Variants in SBF2 observed in about 807,000 individuals in gnomAD.
The protein encoded by SBF2 is myotubularin-related protein 13.
In SBF2, 112 loss-of-function variants were observed where a neutral mutation model predicts 225.2. That is an observed-to-expected ratio of 0.50 (90% CI 0.43 to 0.58). SBF2 has a LOEUF of 0.58. Among genes scored for constraint, SBF2 ranks in the 20% least tolerant of loss-of-function variants. The pLI is 0.00. For missense variants in SBF2, 1,996 were observed against 2,206.2 expected (o/e 0.90, Z 1.91); for synonymous variants, 763 against 773.3 (o/e 0.99, Z 0.22).
chr11:10,067,281 C>A (rs1950661183), intron 2 of SBF2, among the ~76,000 whole-genome samples: 1 of 152,170 alleles, frequency 6.6e-6, no homozygotes, highest in African/African-American at 2.4e-5. Flanking sequence ...GATGTCAATT[C>A]TTCTACAAGT....
chr11:10,044,902 C>T (rs1425456123), intron 2 of SBF2, among the ~76,000 whole-genome samples: 1 of 152,130 alleles, frequency 6.6e-6, no homozygotes, highest in Non-Finnish European at 1.5e-5. Context: ...GCTGAGAACG[C>T]TTTTTGCCTG....
chr11:9,797,954 C>T (rs529220100), intron 32 of SBF2, among the ~76,000 whole-genome samples: 113 of 152,140 alleles, frequency 7.4e-4, no homozygotes, highest in African/African-American at 2.7e-3. Flanking sequence ...GCCTGGGTGA[C>T]AGAGTGAGAC....
chr11:10,300,834 G>A (rs990236599), intron 1 of SBF2, among the ~76,000 whole-genome samples: 3 of 143,030 alleles, frequency 2.1e-5, no homozygotes, highest in Non-Finnish European at 3.0e-5. Context: ...TTTCTTTGTA[G>A]GGATGGATTT....
chr11:9,921,424 G>A (rs1863624225), intron 16 of SBF2, among the ~76,000 whole-genome samples: 1 of 152,118 alleles, frequency 6.6e-6, no homozygotes. Flanking sequence ...TACTTAATCA[G>A]AAACTCTGGG....
chr11:10,219,461 C>T (rs1022808637), intron 1 of SBF2, among the ~76,000 whole-genome samples: 1 of 152,174 alleles, frequency 6.6e-6, no homozygotes, highest in Admixed American at 6.5e-5. Flanking sequence ...GGAGGGACTG[C>T]CTTAAAGGTC....
intron 2 of SBF2, among the ~76,000 whole-genome samples, chr11:10,183,035 T>C (rs1211831236): frequency 1.3e-5 from 2 of 152,164 alleles, no homozygotes; most frequent in African/African-American, 2.4e-5. Flanking sequence ...CCTCCCAAAG[T>C]GCTGGGATTA....
At chr11:10,266,326 T>C (rs1961985865) in intron 1 of SBF2, among the ~76,000 whole-genome samples, 1 of 152,064 alleles carries the variant, frequency 6.6e-6, no homozygotes, top group South Asian at 2.1e-4. Flanking sequence ...ATTTGTGCAA[T>C]TAAAGACCTC....
At chr11:9,824,846 G>A (rs770219612) in intron 28 of SBF2, among the ~76,000 whole-genome samples, 3 of 152,082 alleles carry the variant, frequency 2.0e-5, no homozygotes, top group Admixed American at 6.6e-5. Context: ...ACTTTCATAT[G>A]GTAAATAAAG....
In SBF2 at chr11:10,151,412, C is replaced by A. The variant is rs112257453; in HGVS notation, c.141+42490G>T. On this transcript the variant is annotated intron_variant, in intron 2 of 39. Coordinates refer to ENST00000256190, the MANE Select transcript of SBF2 (RefSeq NM_030962.4). The stretch of plus-strand genomic sequence containing the variant: ...CAAAGAAACAGCACACCCAAAATAT[C>A]TTTGAAAATGGTAAAAGTGGTATTC... Among the ~76,000 whole-genome samples the A allele has an allele frequency of 9.9e-3, 1,513 of 152,262 alleles. 10 individuals carry two copies. The highest frequency in any genetic ancestry group is 0.013 in the Non-Finnish European group (882 of 68,002).
At chr11:9,793,321 C>A (rs1159810251) in intron 33 of SBF2, among the ~76,000 whole-genome samples, 1 of 152,138 alleles carries the variant, frequency 6.6e-6, no homozygotes, top group Non-Finnish European at 1.5e-5. Flanking sequence ...TGATCTACGG[C>A]TCTACCCGTG....
chr11:10,029,642 G>A, intron 5 of SBF2, 123 bp downstream of exon 5: 1 of 779,114 alleles, frequency 1.3e-6, no homozygotes. Context: ...AACTAAAGTA[G>A]GATCTTCCTT....
At chr11:9,941,332 A>AT (rs1219277906) in intron 16 of SBF2, among the ~76,000 whole-genome samples, 3 of 148,374 alleles carry the variant, frequency 2.0e-5, no homozygotes, top group Non-Finnish European at 4.5e-5. Context: ...TTCAGTAAAA[A>AT]TAAAAAAAAA....
At chr11:10,033,663 A>AAC (rs66939707) in intron 3 of SBF2, among the ~76,000 whole-genome samples, 10,567 of 149,706 alleles carry the variant, frequency 0.071, 404 homozygotes, top group Middle Eastern at 0.16. Context: ...GCTGTGATTA[A>AAC]ACACACACAC....
chr11:9,941,183 C>T (rs1013954405), intron 16 of SBF2, among the ~76,000 whole-genome samples: 4 of 152,052 alleles, frequency 2.6e-5, no homozygotes, highest in South Asian at 2.1e-4. Context: ...TGCATGGTGG[C>T]GCATGCCTGT....
intron 16 of SBF2, among the ~76,000 whole-genome samples, chr11:9,896,313 A>G (rs1413616793): frequency 6.6e-6 from 1 of 152,192 alleles, no homozygotes; most frequent in Non-Finnish European, 1.5e-5. Context: ...TTCCTGCTCT[A>G]CAAAGATTGT....
At chr11:10,136,757 C>A (rs73412871) in intron 2 of SBF2, among the ~76,000 whole-genome samples, 2,258 of 152,320 alleles carry the variant, frequency 0.015, 44 homozygotes, top group African/African-American at 0.039. Context: ...AAGTGAAGAA[C>A]TGCTTGGTGT....
chr11:9,919,287 T>C (rs985024418), intron 16 of SBF2, among the ~76,000 whole-genome samples: 11 of 137,038 alleles, frequency 8.0e-5, no homozygotes, highest in Non-Finnish European at 1.5e-4. Context: ...TTTTTTGAGA[T>C]AGAGTTTTGC....
chr11:9,857,231 T>G (rs1857392358), intron 18 of SBF2, among the ~76,000 whole-genome samples: 1 of 152,132 alleles, frequency 6.6e-6, no homozygotes, highest in South Asian at 2.1e-4. Context: ...GTGACAAACC[T>G]CAGGAAGCAG....
chr11:10,161,513 A>C (rs1591098647), intron 2 of SBF2, among the ~76,000 whole-genome samples: 1 of 152,308 alleles, frequency 6.6e-6, no homozygotes, highest in Non-Finnish European at 1.5e-5. Context: ...AATATGGGAG[A>C]GACGGCTGGC....
Sources: allele counts gnomAD v4.1 joint callset (sites outside exome capture counted in the v4.1 genomes callset), GRCh38; gene constraint gnomAD v4.1.1; transcripts MANE v1.5; gene names NCBI Gene and HGNC (gene_info 2026-07-23, HGNC 2026-07-21).